The following COL8A1 variants were observed in gnomAD, a reference collection of about 807,000 sequenced individuals.
The protein encoded by COL8A1 is collagen type VIII alpha 1 chain.
A neutral mutation model predicts 42.7 loss-of-function variants in COL8A1; 21 were observed. The ratio of observed to expected loss-of-function variants is 0.49; its 90% confidence interval spans 0.35 to 0.71. The LOEUF (loss-of-function observed/expected upper bound fraction) is 0.71, where lower values mean the gene tolerates loss of function less well. Ranked by LOEUF, COL8A1 falls within the 30% of genes least tolerant of loss-of-function variation. The pLI, the probability that COL8A1 is intolerant of heterozygous loss-of-function variation, is 0.01. For synonymous variants in COL8A1, 367 were observed against 369.1 expected, an observed-to-expected ratio of 0.99 and a Z score of 0.06; for missense variants, 788 against 962.4, an observed-to-expected ratio of 0.82 and a Z score of 2.40.
chr3:99,795,941 GAAC>G lies in COL8A1; in HGVS notation c.2044_2046del (p.Asn682del). ...GCAACGTGTGGGTTGCTCTATTCAA[GAAC>G]AACGAGCCCGTGATGTACACGTACG... On this transcript the variant is annotated inframe_deletion, in exon 4 of 4. Coordinates refer to ENST00000652472, the MANE Select transcript of COL8A1 (RefSeq NM_020351.4). 1 of 1,614,120 alleles carries G rather than the reference GAAC, an allele frequency of 6.2e-7. No homozygotes were observed. The highest frequency in any genetic ancestry group is 8.5e-7 in the Non-Finnish European group (1 of 1,180,002).
At chr3:99,668,309 A>G (rs1559772864) in intron 1 of COL8A1, among the ~76,000 whole-genome samples, 1 of 152,180 alleles carries the variant, frequency 6.6e-6, no homozygotes, top group Non-Finnish European at 1.5e-5. Flanking sequence ...ACATGTCATC[A>G]AATGCCCTTT....
At chr3:99,671,653 T>C (rs1938549154) in intron 1 of COL8A1, among the ~76,000 whole-genome samples, 2 of 152,000 alleles carry the variant, frequency 1.3e-5, no homozygotes, top group South Asian at 4.1e-4. Flanking sequence ...GTTTGACTTT[T>C]TTATACTCCA....
chr3:99,738,269 G>A (rs1423895750), intron 1 of COL8A1, among the ~76,000 whole-genome samples: 1 of 152,228 alleles, frequency 6.6e-6, no homozygotes, highest in African/African-American at 2.4e-5. Context: ...CGCTGGTGAG[G>A]AACTGCGTTC....
intron 2 of COL8A1, among the ~76,000 whole-genome samples, chr3:99,786,322 G>A (rs776579918): frequency 4.6e-5 from 7 of 152,062 alleles, no homozygotes; most frequent in Non-Finnish European, 8.8e-5. Flanking sequence ...TAGGAGGTGG[G>A]GCCTATGGGA....
chr3:99,715,414 A>G (rs947761454), intron 1 of COL8A1, among the ~76,000 whole-genome samples: 3 of 152,064 alleles, frequency 2.0e-5, no homozygotes, highest in Non-Finnish European at 4.4e-5. Context: ...CAAGGGAAAG[A>G]GGAGAATGAA....
At chr3:99,775,518 A>G (rs192080318) in intron 2 of COL8A1, among the ~76,000 whole-genome samples, 1 of 152,314 alleles carries the variant, frequency 6.6e-6, no homozygotes, top group East Asian at 1.9e-4. Context: ...GCCAGGCTGC[A>G]GGAGATTCCT....
At chr3:99,658,100 G>T (rs1324391276) in intron 1 of COL8A1, among the ~76,000 whole-genome samples, 1 of 142,702 alleles carries the variant, frequency 7.0e-6, no homozygotes, top group Non-Finnish European at 1.5e-5. Flanking sequence ...GCACCCCAGA[G>T]CAAGACTCCA....
At chr3:99,654,444 GTCTTAATTACCAAGAA>G (rs953916861) in intron 1 of COL8A1, among the ~76,000 whole-genome samples, 4 of 152,136 alleles carry the variant, frequency 2.6e-5, no homozygotes, top group Non-Finnish European at 5.9e-5. Flanking sequence ...TTACCTGTGT[GTCTTAATTACCAAGAA>G]TCAGTCCAGG....
intron 1 of COL8A1, among the ~76,000 whole-genome samples, chr3:99,708,567 C>T (rs373174585): frequency 6.6e-6 from 1 of 152,070 alleles, no homozygotes; most frequent in African/African-American, 2.4e-5. Flanking sequence ...TTTTCTTTTT[C>T]GGAAAAACCA....
intron 1 of COL8A1, among the ~76,000 whole-genome samples, chr3:99,640,774 A>C (rs1937492375): frequency 6.6e-6 from 1 of 152,160 alleles, no homozygotes; most frequent in South Asian, 2.1e-4. Context: ...AGCTTTTAGA[A>C]AAATCAGTGT....
Position 99,792,549 on chromosome 3 carries a change from G to A in COL8A1, c.328+1539G>A, listed in dbSNP as rs1007723. Among the ~76,000 whole-genome samples, 367 of 152,224 alleles carry A rather than the reference G, an allele frequency of 2.4e-3. 2 individuals carry two copies. The highest frequency in any genetic ancestry group is 3.1e-3 in the Non-Finnish European group (213 of 68,016). On this transcript the variant is annotated intron_variant, in intron 3 of 3. Transcript: ENST00000652472. The stretch of plus-strand genomic sequence containing the variant: ...GTATTTCAATAACAATTTGAGAAAC[G>A]GTGACACCTTTCACATCTATTCTCT...
rs774531978 is a variant in COL8A1, at chr3:99,795,745, T to C, written c.1844T>C (p.Met615Thr). Residue 615 changes from methionine to threonine, a missense_variant, in exon 4 of 4, where the codon ATG becomes ACG. Met to Thr is a moderately conservative substitution (Grantham distance 81). Transcript: ENST00000652472. ...AAGAATGGAGGGCCAGCCTATGAGA[T>C]GCCTGCATTTACCGCCGAGCTAACC... ...KGKNGGPAYE[M>T]PAFTAELTAP... is the part of the protein sequence containing the mutation. 1.9e-6 allele frequency: 3 copies of C among 1,614,120 alleles called. No individual in the cohort carries two copies. The highest frequency in any genetic ancestry group is 2.5e-6 in the Non-Finnish European group (3 of 1,180,008).
intron 1 of COL8A1, among the ~76,000 whole-genome samples, chr3:99,724,579 T>C (rs1452142807): frequency 6.6e-6 from 1 of 152,086 alleles, no homozygotes; most frequent in Non-Finnish European, 1.5e-5. Context: ...CAAAGATTAA[T>C]ATTTCTTCTT....
At chr3:99,751,043 T>C (rs1047659660) in intron 2 of COL8A1, among the ~76,000 whole-genome samples, 8 of 152,200 alleles carry the variant, frequency 5.3e-5, no homozygotes, top group South Asian at 2.1e-4. Context: ...AATATAGAGC[T>C]ATTTTAGAGA....
intron 1 of COL8A1, among the ~76,000 whole-genome samples, chr3:99,652,662 G>A (rs1937883261): frequency 6.6e-6 from 1 of 152,190 alleles, no homozygotes; most frequent in South Asian, 2.1e-4. Context: ...AAAAGTGATT[G>A]AGAATGTGCT....
chr3:99,760,130 A>T (rs2107424036), intron 2 of COL8A1, among the ~76,000 whole-genome samples: 1 of 152,218 alleles, frequency 6.6e-6, no homozygotes, highest in South Asian at 2.1e-4. Context: ...AATCAACTAG[A>T]GACTCAAAAA....
chr3:99,708,157 A>G (rs1024686228), intron 1 of COL8A1, among the ~76,000 whole-genome samples: 1 of 152,102 alleles, frequency 6.6e-6, no homozygotes, highest in Non-Finnish European at 1.5e-5. Flanking sequence ...TTTGAAAAAA[A>G]TTAAGGGAAA....
chr3:99,737,497 G>T (rs1399640510), intron 1 of COL8A1, among the ~76,000 whole-genome samples: 1 of 151,876 alleles, frequency 6.6e-6, no homozygotes, highest in Non-Finnish European at 1.5e-5. Context: ...GCTTAGTTTG[G>T]CTGGATATGA....
intron 1 of COL8A1, among the ~76,000 whole-genome samples, chr3:99,651,955 A>C (rs887175624): frequency 6.6e-6 from 1 of 152,246 alleles, no homozygotes; most frequent in Non-Finnish European, 1.5e-5. Flanking sequence ...ATCAAGAAAT[A>C]ATTATGGGTG....
Sources: allele counts gnomAD v4.1 joint callset (sites outside exome capture counted in the v4.1 genomes callset), GRCh38; gene constraint gnomAD v4.1.1; transcripts MANE v1.5; gene names NCBI Gene and HGNC (gene_info 2026-07-23, HGNC 2026-07-21).